The following SMIM36 variants were observed in gnomAD, a reference collection of about 807,000 sequenced individuals.
The protein encoded by SMIM36 is small integral membrane protein 36.
chr17:55,516,503 A>G, the SMIM36 span, among the ~76,000 whole-genome samples: 43 of 151,640 alleles, frequency 2.8e-4, 1 homozygote, highest in East Asian at 6.2e-3. Context: ...TAAAGTTTAT[A>G]TAACAGGCCA....
chr17:55,457,374 C>T (rs534299605), intron 4 of SMIM36, among the ~76,000 whole-genome samples: 123 of 149,306 alleles, frequency 8.2e-4, no homozygotes, highest in African/African-American at 2.9e-3. Context: ...TTGCTTGAAC[C>T]CAGGAGGCAG....
chr17:55,522,324 A>G, the SMIM36 span, among the ~76,000 whole-genome samples: 1 of 152,194 alleles, frequency 6.6e-6, no homozygotes, highest in Non-Finnish European at 1.5e-5. Context: ...GCTTTCCATG[A>G]CCATTCCTTA....
chr17:55,475,636 T>TA (rs1318781095), intron 3 of SMIM36, among the ~76,000 whole-genome samples: 2 of 152,172 alleles, frequency 1.3e-5, no homozygotes, highest in African/African-American at 4.8e-5. Flanking sequence ...TATGACAACA[T>TA]AAAAAACTCA....
chr17:55,512,330 G>A (rs975400943), upstream of SMIM36, among the ~76,000 whole-genome samples: 2 of 152,200 alleles, frequency 1.3e-5, no homozygotes, highest in Non-Finnish European at 2.9e-5. Flanking sequence ...GGTGGGAGAG[G>A]TAGACAGGGG....
the SMIM36 span, among the ~76,000 whole-genome samples, chr17:55,522,242 TG>T: frequency 6.6e-6 from 1 of 152,246 alleles, no homozygotes; most frequent in Admixed American, 6.5e-5. Flanking sequence ...CTACATGAGA[TG>T]TTCTCCTCCG....
Position 55,504,248 on chromosome 17 carries a change from C to G in SMIM36, c.*174+6631G>C, listed in dbSNP as rs1217920693. 5.0e-5 allele frequency among the ~76,000 whole-genome samples: 4 copies of G among 79,738 alleles called. 1 individual carries two copies. The highest frequency in any genetic ancestry group is 4.3e-5 in the Non-Finnish European group (2 of 46,978). 52.3% of individuals were successfully genotyped at this position (79,738 alleles called of 152,430 possible). A position where few individuals can be genotyped will look rare whatever the true frequency, so the allele number is the denominator to read the frequency against. On this transcript the variant is annotated intron_variant, in intron 1 of 4. Coordinates refer to ENST00000636752, the Ensembl canonical transcript of SMIM36. The stretch of plus-strand genomic sequence containing the variant: ...ACCTAATAGACATCTACAGAACTCT[C>G]CACCCTAAATCAACAGAATATACAT...
At chr17:55,477,765 C>T (rs1909449373) in intron 3 of SMIM36, among the ~76,000 whole-genome samples, 1 of 152,036 alleles carries the variant, frequency 6.6e-6, no homozygotes, top group South Asian at 2.1e-4. Flanking sequence ...TTAATTACCT[C>T]ATAGGGTTGC....
intron 4 of SMIM36, among the ~76,000 whole-genome samples, chr17:55,455,986 G>C (rs6504964): frequency 0.79 from 118,969 of 151,076 alleles, 47,275 homozygotes; most frequent in Middle Eastern, 0.82. Flanking sequence ...AGTGTGGTAG[G>C]ACGCACCTGT....
the SMIM36 span, among the ~76,000 whole-genome samples, chr17:55,522,853 A>T: frequency 1.3e-5 from 2 of 152,190 alleles, no homozygotes; most frequent in Non-Finnish European, 2.9e-5. Flanking sequence ...GAAGGCAGGA[A>T]GTTTGTTGTA....
intron 4 of SMIM36, among the ~76,000 whole-genome samples, chr17:55,454,482 A>AT (rs1232654229): frequency 6.6e-6 from 1 of 152,196 alleles, no homozygotes; most frequent in African/African-American, 2.4e-5. Flanking sequence ...ATCACACGTT[A>AT]TTTTTTAAGA....
intron 4 of SMIM36, among the ~76,000 whole-genome samples, chr17:55,458,818 T>G (rs111427108): frequency 0.038 from 5,715 of 152,110 alleles, 310 homozygotes; most frequent in African/African-American, 0.12. Flanking sequence ...TTGTGGATCC[T>G]CCGTCCGCTG....
At chr17:55,478,197 A>C (rs572311901) in intron 3 of SMIM36, among the ~76,000 whole-genome samples, 24 of 150,358 alleles carry the variant, frequency 1.6e-4, no homozygotes, top group African/African-American at 5.1e-4. Flanking sequence ...CCCCCCACCC[A>C]AAAAAAAAGT....
intron 1 of SMIM36, among the ~76,000 whole-genome samples, chr17:55,501,422 A>AATATATT (rs1555622576): frequency 0.035 from 973 of 27,436 alleles, 158 homozygotes; most frequent in African/African-American, 0.2. Context: ...TATAAAATAT[A>AATATATT]ATATATTATT....
At chr17:55,458,129 T>C (rs1909063127) in intron 4 of SMIM36, 1 of 152,242 alleles carries the variant, frequency 6.6e-6, no homozygotes. Flanking sequence ...TGAACCTGGA[T>C]TATTGTTCTC....
intron 3 of SMIM36, among the ~76,000 whole-genome samples, chr17:55,475,161 A>C (rs1023488314): frequency 6.6e-6 from 1 of 152,086 alleles, no homozygotes; most frequent in Non-Finnish European, 1.5e-5. Flanking sequence ...CTGTCTCGTC[A>C]TACTCCTATT....
the SMIM36 span, among the ~76,000 whole-genome samples, chr17:55,519,187 T>C: frequency 0.016 from 2,390 of 152,258 alleles, 24 homozygotes; most frequent in Non-Finnish European, 0.024. Flanking sequence ...TGGGTTGTCA[T>C]GAATTTAAAT....
intron 4 of SMIM36, among the ~76,000 whole-genome samples, chr17:55,452,885 T>C (rs1046766163): frequency 6.6e-6 from 1 of 152,250 alleles, no homozygotes; most frequent in East Asian, 1.9e-4. Flanking sequence ...CCCAACACTT[T>C]GATAGAGAGG....
chr17:55,484,558 G>C (rs1020998600), intron 1 of SMIM36, among the ~76,000 whole-genome samples: 1 of 152,146 alleles, frequency 6.6e-6, no homozygotes, highest in Non-Finnish European at 1.5e-5. Flanking sequence ...CCAGTACAAG[G>C]ATATTTGCAG....
At chr17:55,481,033 C>A (rs1909510312) in intron 1 of SMIM36, among the ~76,000 whole-genome samples, 1 of 151,898 alleles carries the variant, frequency 6.6e-6, no homozygotes, top group Non-Finnish European at 1.5e-5. Flanking sequence ...TATATACATT[C>A]TCTTTATTCT....
Sources: allele counts gnomAD v4.1 joint callset (sites outside exome capture counted in the v4.1 genomes callset), GRCh38; gene constraint gnomAD v4.1.1; transcripts MANE v1.5; gene names NCBI Gene and HGNC (gene_info 2026-07-23, HGNC 2026-07-21).